HDAC7: variants seen among roughly 807,000 people sequenced by gnomAD.
HDAC7 encodes histone deacetylase 7A.
In HDAC7, 26 loss-of-function variants were observed where a neutral mutation model predicts 115.5. The observed-to-expected ratio is 0.23, with a 90% CI of 0.16 to 0.31. The LOEUF is 0.31. Among genes scored for constraint, HDAC7 ranks in the 10% least tolerant of loss-of-function variants. HDAC7 has a pLI of 1.00. For missense variants in HDAC7, 1,068 were observed against 1,329.0 expected (o/e 0.80, Z 3.05); for synonymous variants, 564 against 550.9 (o/e 1.02, Z -0.33).
At chr12:47,799,457 G>A (rs1198302492) in intron 2 of HDAC7, among the ~76,000 whole-genome samples, 1 of 152,204 alleles carries the variant, frequency 6.6e-6, no homozygotes, top group African/African-American at 2.4e-5. Context: ...TCTGCCTCCA[G>A]CCCCAAGCCT....
Position 47,798,834 on chromosome 12 carries a change from T to C in HDAC7, c.209A>G (p.His70Arg), listed in dbSNP as rs1592668362. 6.4e-7 allele frequency: 1 copy of C among 1,558,932 alleles called. No homozygotes were observed. ...CTGCTGCAGGCCTGCTAGGAAGAGGTGGTGGTGCAGGCGCTGGGGACGCTG... is the reference window on the plus strand; with the variant it reads ...CTGCTGCAGGCCTGCTAGGAAGAGGCGGTGGTGCAGGCGCTGGGGACGCTG... ...ALQRPQRLHH[H>R]LFLAGLQQQR... The change falls in exon 3 of 26, where the codon CAC (histidine) becomes CGC (arginine). Residue 70 changes from histidine to arginine, a missense_variant. By Grantham distance (29) the His-to-Arg change is conservative. Transcript: ENST00000080059. This position sits in a 1 kb window ranked among gnomAD's most constrained non-coding sequence, Gnocchi z 4.3.
chr12:47,787,644 C>T, intron 21 of HDAC7, 68 bp downstream of exon 21: 1 of 1,116,386 alleles, frequency 9.0e-7, no homozygotes, highest in East Asian at 2.6e-5. Context: ...ATCACCTCCC[C>T]CCTGGTGCTC....
At chr12:47,791,473 G>T in intron 15 of HDAC7, 113 bp downstream of exon 15, 1 of 1,437,688 alleles carries the variant, frequency 7.0e-7, no homozygotes, top group Non-Finnish European at 9.4e-7. Flanking sequence ...AGCTGGAGTA[G>T]GGACGTCCAG....
chr12:47,796,422 C>CTTTA, intron 7 of HDAC7, 124 bp from the exon 8 acceptor site: 123 of 566,712 alleles, frequency 2.2e-4, no homozygotes, highest in Non-Finnish European at 2.9e-4. Context: ...TTGCTTCCTG[C>CTTTA]TTTCTTTTTT....
Position 47,791,688 on chromosome 12 carries a change from C to A in HDAC7, c.1831G>T (p.Ala611Ser). ...ACCGACTGCAGCTCTTCCAGGGAGG[C>A]CTTCCGGCCTCGGAGACACTGAAAA... ...SQCECLRGRK[A>S]SLEELQSVHS... Residue 611 changes from alanine (A) to serine (S), a missense_variant, in exon 15 of 26, where the codon GCC (alanine) becomes TCC (serine). By Grantham distance (99) the Ala-to-Ser change is moderately conservative. Coordinates refer to ENST00000080059, the MANE Select transcript of HDAC7 (RefSeq NM_015401.5). 5 of 1,613,706 alleles carry A rather than the reference C, an allele frequency of 3.1e-6. No homozygotes were observed. The highest frequency in any genetic ancestry group is 4.2e-6 in the Non-Finnish European group (5 of 1,179,950).
chr12:47,784,882 A>G (rs1041632257), intron 24 of HDAC7: 18 of 970,862 alleles, frequency 1.9e-5, no homozygotes, highest in Non-Finnish European at 2.3e-5. Context: ...ATGGGAATCT[A>G]TTTTACTCAT....
intron 1 of HDAC7, among the ~76,000 whole-genome samples, chr12:47,809,321 C>G (rs143277050): frequency 1.3e-5 from 2 of 152,266 alleles, no homozygotes; most frequent in East Asian, 3.9e-4. Flanking sequence ...TCTGCCTCTC[C>G]CAGCTGCAGG....
At chr12:47,799,372 G>C (rs1944053686) in intron 2 of HDAC7, among the ~76,000 whole-genome samples, 1 of 152,288 alleles carries the variant, frequency 6.6e-6, no homozygotes, top group Admixed American at 6.5e-5. Flanking sequence ...CCTGGAATCA[G>C]AGGATTTGCC....
At chr12:47,815,624 T>C (rs191246329) in intron 1 of HDAC7, among the ~76,000 whole-genome samples, 1 of 152,210 alleles carries the variant, frequency 6.6e-6, no homozygotes, top group Admixed American at 6.5e-5. Flanking sequence ...CTGAATGTTT[T>C]TAATTTTGAG....
At chr12:47,802,568 G>T in intron 1 of HDAC7, 2 of 1,146,478 alleles carry the variant, frequency 1.7e-6, no homozygotes, top group Non-Finnish European at 2.5e-6. Flanking sequence ...ACCCAGCAGT[G>T]CCCTCAGCCC....
Position 47,797,381 on chromosome 12 carries a change from C to T in HDAC7, c.577+3G>A, listed in dbSNP as rs541077030. 13 of 1,613,214 alleles carry T rather than the reference C, an allele frequency of 8.1e-6. No homozygotes were observed. In the South Asian group the frequency reaches 1.2e-4, roughly 15 times the overall value. ...GAAAGGTCCGCCTGTTTGTTCAGCT[C>T]ACCTGTCTTGCGCAGAGGGAAGTGC... On this transcript the variant is annotated splice_donor_region_variant and intron_variant, in intron 6 of 25. Transcript: ENST00000080059. The surrounding 1 kb of genome is among the most constrained non-coding windows in gnomAD (Gnocchi z 5.5).
chr12:47,784,794 G>A, intron 24 of HDAC7: 1 of 1,535,246 alleles, frequency 6.5e-7, no homozygotes, highest in Non-Finnish European at 8.7e-7. Context: ...TCAGTGTGAG[G>A]GCACCCACCG....
Position 47,787,763 on chromosome 12 carries a change from G to A in HDAC7, c.2402C>T (p.Ala801Val). The A allele has an allele frequency of 6.2e-7, 1 of 1,613,144 alleles. No homozygotes were observed. The highest frequency in any genetic ancestry group is 1.7e-5 in the Admixed American group (1 of 59,950). ...GEGFNVNVAW[A>V]GGLDPPMGDP... is the part of the protein sequence containing the mutation. ...CCCCATGGGGGGGTCCAGACCTCCA[G>A]CCCAGGCCACATTGACATTGAAGCC... The change falls in exon 21 of 26, where the codon GCT becomes GTT. Residue 801 changes from alanine to valine, a missense_variant. By Grantham distance (64) the Ala-to-Val change is moderately conservative (BLOSUM62 0). Coordinates refer to ENST00000080059, the MANE Select transcript of HDAC7 (RefSeq NM_015401.5).
rs1167736115 is a variant in HDAC7, at chr12:47,795,618, G to A, written c.1056C>T (p.Asp352=). The change falls in exon 10 of 26, where the codon GAC becomes GAT. Residue 352 remains aspartate (D), a synonymous_variant. Coordinates refer to ENST00000080059, the MANE Select transcript of HDAC7 (RefSeq NM_015401.5). This position sits in a 1 kb window ranked among gnomAD's most constrained non-coding sequence, Gnocchi z 4.3. ...PSRLQPILLL[D]PSGSHAPLLT... ...GCAGCGGGGCATGAGAGCCTGAGGG[G>A]TCCAGGAGGAGAATGGGCTGCAGGC... 1 of 1,561,298 alleles carries A rather than the reference G, an allele frequency of 6.4e-7. No individual in the cohort carries two copies. The highest frequency in any genetic ancestry group is 8.7e-7 in the Non-Finnish European group (1 of 1,152,822).
Position 47,789,773 on chromosome 12 carries a change from C to T in HDAC7, c.2091+40G>A, listed in dbSNP as rs768463892. ...ATTCCCCACTACCCCACTCTGCTTC[C>T]TCCTTTGTGGTGTGTCCACCTTCAA... On this transcript the variant is annotated intron_variant, in intron 17 of 25. Transcript: ENST00000080059. 4.6e-6 allele frequency: 7 copies of T among 1,521,166 alleles called. No individual in the cohort carries two copies. In the East Asian group the frequency reaches 1.6e-4, roughly 34 times the overall value. 94.2% of individuals were successfully genotyped at this position (1,521,166 alleles called of 1,614,324 possible). A position where few individuals can be genotyped will look rare whatever the true frequency, so the allele number is the denominator to read the frequency against.
Position 47,798,366 on chromosome 12 carries a change from C to G in HDAC7, c.350-147G>C. The G allele has an allele frequency of 1.3e-6, 1 of 785,900 alleles. No individual in the cohort carries two copies. Among genetic ancestry groups the G allele is most frequent in the Admixed American group, 2.1e-5 (1 of 47,394 alleles). The allele number at this position is 785,900 out of a possible 1,614,324, so 48.7% of individuals were successfully genotyped here. Reference sequence around the variant, plus strand: ...GCCAAGCCCGAGGCCCTACCCCTCCCTAGAGCCTCCAGACACCACCCCCCA... The same window carrying G: ...GCCAAGCCCGAGGCCCTACCCCTCCGTAGAGCCTCCAGACACCACCCCCCA... On this transcript the variant is annotated intron_variant, in intron 4 of 25. Coordinates refer to ENST00000080059, the MANE Select transcript of HDAC7 (RefSeq NM_015401.5). This position sits in a 1 kb window ranked among gnomAD's most constrained non-coding sequence, Gnocchi z 4.3.
intron 2 of HDAC7, among the ~76,000 whole-genome samples, chr12:47,801,440 T>C (rs566659505): frequency 5.9e-5 from 9 of 152,322 alleles, no homozygotes; most frequent in African/African-American, 2.2e-4. Context: ...ATCAGTGTCC[T>C]CTCATTGGGC....
At chr12:47,787,511 G>C (rs558368140) in intron 21 of HDAC7, among the ~76,000 whole-genome samples, 1 of 152,170 alleles carries the variant, frequency 6.6e-6, no homozygotes, top group Admixed American at 6.5e-5. Flanking sequence ...ATTGGCTCTC[G>C]GTAATGTATG....
chr12:47,809,422 G>C (rs1163400566), intron 1 of HDAC7, among the ~76,000 whole-genome samples: 2 of 152,072 alleles, frequency 1.3e-5, no homozygotes, highest in African/African-American at 2.4e-5. Context: ...AAATGTTTAA[G>C]TTACAATATC....
Sources: gnomAD v4.1 joint callset for allele counts (sites outside exome capture counted in the v4.1 genomes callset) on GRCh38, gnomAD v4.1.1 for gene constraint, Gnocchi (gnomAD v3.1) non-coding constraint, MANE v1.5 for transcripts, NCBI Gene and HGNC (gene_info 2026-07-23, HGNC 2026-07-21) for gene names.